Variants in CNDP2 observed in about 807,000 individuals in gnomAD.
CNDP2 encodes the protein cytosolic non-specific dipeptidase.
In CNDP2, 38 loss-of-function variants were observed where a neutral mutation model predicts 55.0. That is an observed-to-expected ratio of 0.69 (90% confidence interval 0.53 to 0.90). CNDP2 has a LOEUF of 0.90. CNDP2 is among the 40% of genes least tolerant of loss of function. The pLI is 0.00. For synonymous variants in CNDP2, 241 were observed against 260.2 expected (o/e 0.93, Z 0.71); for missense variants, 607 against 621.7 (o/e 0.98, Z 0.25).
intron 9 of CNDP2, chr18:74,517,339 G>A (rs1979736950): frequency 6.6e-6 from 1 of 152,262 alleles, no homozygotes; most frequent in South Asian, 2.1e-4. Context: ...CCTTGGAGAG[G>A]TTTGGCTGGG....
chr18:74,500,929 T>C (rs2144571892), intron 2 of CNDP2, among the ~76,000 whole-genome samples: 1 of 152,360 alleles, frequency 6.6e-6, no homozygotes, highest in South Asian at 2.1e-4. Flanking sequence ...AATTTCACAG[T>C]GTTCTTTTAT....
In CNDP2 at chr18:74,501,406, A is replaced by C. The variant is rs1358036497; in HGVS notation, c.138A>C (p.Glu46Asp). ...EKRGEIRRMMEVAAADVKQLG... is the reference protein window; with the variant it reads ...EKRGEIRRMMDVAAADVKQLG... ...GAGGCGAAATCAGGAGGATGATGGA[A>C]GTTGCTGCTGCAGATGTTAAGCAGT... The change falls in exon 3 of 12, where the codon GAA becomes GAC. Residue 46 changes from glutamate (E) to aspartate (D), a missense_variant. Coordinates refer to ENST00000324262, the MANE Select transcript of CNDP2 (RefSeq NM_018235.3). 1 of 1,614,138 alleles carries C rather than the reference A, an allele frequency of 6.2e-7. No homozygotes were observed. The highest frequency in any genetic ancestry group is 8.5e-7 in the Non-Finnish European group (1 of 1,180,002).
At chr18:74,501,182 A>G in intron 2 of CNDP2, 147 bp from the exon 3 acceptor site, 1 of 1,398,612 alleles carries the variant, frequency 7.1e-7, no homozygotes, top group Non-Finnish European at 9.3e-7. Flanking sequence ...CCCAAAGCAC[A>G]CGTGATGGGT....
intron 9 of CNDP2, chr18:74,517,574 A>G (rs533557452): frequency 1.3e-5 from 2 of 152,256 alleles, no homozygotes; most frequent in Admixed American, 1.3e-4. Flanking sequence ...TTATCTCCTA[A>G]GGAATGCAGC....
Position 74,520,041 on chromosome 18 carries a change from G to C in CNDP2, c.1401G>C (p.Leu467=). The part of the protein sequence containing the change: ...IEGTKMLAAY[L]YEVSQLKD ...GAACCAAGATGCTGGCCGCGTACCT[G>C]TATGAGGTCTCCCAGCTGAAGGACT... is the stretch of plus-strand genomic sequence containing the variant. Residue 467 remains leucine, a synonymous_variant, in exon 12 of 12, where the codon CTG becomes CTC. Transcript: ENST00000324262. 1.2e-6 allele frequency: 2 copies of C among 1,614,178 alleles called. No homozygotes were observed. The highest frequency in any genetic ancestry group is 1.7e-6 in the Non-Finnish European group (2 of 1,180,020).
At chr18:74,516,673 G>A (rs971485350) in intron 9 of CNDP2, 9 of 359,030 alleles carry the variant, frequency 2.5e-5, no homozygotes, top group South Asian at 4.9e-5. Context: ...GACCAAGCGT[G>A]TTCTGGTCAG....
intron 11 of CNDP2, among the ~76,000 whole-genome samples, chr18:74,519,612 G>T (rs919093755): frequency 6.6e-6 from 1 of 152,212 alleles, no homozygotes; most frequent in African/African-American, 2.4e-5. Flanking sequence ...GGGTAACCAA[G>T]GCAGACGATC....
At chr18:74,518,406 G>A (rs1296812941) in intron 9 of CNDP2, 93 bp from the exon 10 acceptor site, 7 of 1,471,020 alleles carry the variant, frequency 4.8e-6, no homozygotes, top group Non-Finnish European at 6.6e-6. Context: ...TAAGCTCGCT[G>A]TAGACCCATG....
chr18:74,507,078 G>A (rs1158762713), intron 4 of CNDP2: 1 of 152,184 alleles, frequency 6.6e-6, no homozygotes, highest in African/African-American at 2.4e-5. Flanking sequence ...TTTTTTATGA[G>A]ATGTAATTCC....
chr18:74,502,274 C>A (rs1978747406), intron 3 of CNDP2, among the ~76,000 whole-genome samples: 1 of 152,170 alleles, frequency 6.6e-6, no homozygotes, highest in Non-Finnish European at 1.5e-5. Flanking sequence ...AACAGTCTCA[C>A]TTTGTGGTAC....
chr18:74,512,234 T>C (rs1464199812), intron 6 of CNDP2: 6 of 537,712 alleles, frequency 1.1e-5, no homozygotes, highest in East Asian at 6.4e-5. Context: ...TACCGTCTTA[T>C]CTGTGGTTGG....
Position 74,520,092 on chromosome 18 carries a change from C to T in CNDP2, c.*24C>T, listed in dbSNP as rs1979966204. ...AGGCCAAGCCCTCTGTGTGCCATCT[C>T]CAATGAGAAGGAATCCTGCCCTCAC... On this transcript the variant is annotated 3_prime_UTR_variant, in exon 12 of 12. Transcript: ENST00000324262. 2 of 1,612,502 alleles carry T rather than the reference C, an allele frequency of 1.2e-6. No homozygotes were observed. Among genetic ancestry groups the T allele is most frequent in the Admixed American group, 1.7e-5 (1 of 59,974 alleles).
rs1307807633 is a variant in CNDP2, at chr18:74,499,862, A to AACAC, written c.-92-19_-92-16dup. 4 of 885,150 alleles carry AACAC rather than the reference A, an allele frequency of 4.5e-6. No homozygotes were observed. Among genetic ancestry groups the AACAC allele is most frequent in the Non-Finnish European group, 7.2e-6 (4 of 558,378 alleles). 54.8% of individuals were successfully genotyped at this position (885,150 alleles called of 1,614,324 possible). A position where few individuals can be genotyped will look rare whatever the true frequency, so the allele number is the denominator to read the frequency against. ...GGTGGGGCAACAATTTACAATTCTG[A>AACAC]ACACGTGCTTTCTGGGCAGGTCGCC... On this transcript the variant is annotated intron_variant, in intron 1 of 11. Transcript: ENST00000324262.
At chr18:74,513,047 C>T (rs1397988979) in intron 7 of CNDP2, among the ~76,000 whole-genome samples, 1 of 152,228 alleles carries the variant, frequency 6.6e-6, no homozygotes, top group Non-Finnish European at 1.5e-5. Flanking sequence ...TTCCTCCCTG[C>T]CAACGCCAGC....
At position 74,496,434 on chromosome 18, in the gene CNDP2, G is replaced by C. The variant is rs1176037916; in HGVS notation, c.-93+3G>C. ...GCCTAGTGGGCCTTCCTTCCCAGGT[G>C]GGTCTTCCTGATGGACCTTCCTTCC... On this transcript the variant is annotated splice_donor_region_variant and intron_variant, in intron 1 of 11. Transcript: ENST00000324262. 6.6e-6 allele frequency: 1 copy of C among 152,532 alleles called. No homozygotes were observed. Among genetic ancestry groups the C allele is most frequent in the Non-Finnish European group, 1.5e-5 (1 of 68,296 alleles). The allele number at this position is 152,532 out of a possible 1,614,324, so 9.4% of individuals were successfully genotyped here.
chr18:74,502,472 G>GTTTTTT (rs139713521), intron 3 of CNDP2, among the ~76,000 whole-genome samples: 15 of 148,602 alleles, frequency 1.0e-4, no homozygotes, highest in Admixed American at 2.7e-4. Context: ...TTGTCTTTTT[G>GTTTTTT]GTTTTTTTTT....
intron 9 of CNDP2, 136 bp downstream of exon 9, chr18:74,516,528 T>C (rs1979679270): frequency 1.2e-6 from 1 of 811,934 alleles, no homozygotes; most frequent in African/African-American, 1.7e-5. Context: ...AAGTCAGTAA[T>C]TATGACAGTC....
chr18:74,500,991 T>C (rs889566490), intron 2 of CNDP2: 12 of 181,624 alleles, frequency 6.6e-5, no homozygotes, highest in Admixed American at 6.0e-4. Context: ...TGAGTTGATT[T>C]TTAACTACTA....
rs1175543426 is a variant in CNDP2 at position 74,520,861 on chromosome 18, A to T, written c.*793A>T. 6.6e-6 allele frequency: 1 copy of T among 152,220 alleles called. No homozygotes were observed. Among genetic ancestry groups the T allele is most frequent in the Admixed American group, 6.5e-5 (1 of 15,280 alleles). 9.4% of individuals were successfully genotyped at this position (152,220 alleles called of 1,614,324 possible). On this transcript the variant is annotated 3_prime_UTR_variant, in exon 12 of 12. Transcript: ENST00000324262. ...GTTCTGGTTGTCATTGAATTGGGAT[A>T]AACAGAGAGCTTGATGCTTTCTGCC...
Sources: allele counts gnomAD v4.1 joint callset (sites outside exome capture counted in the v4.1 genomes callset), GRCh38; gene constraint gnomAD v4.1.1; transcripts MANE v1.5; gene names NCBI Gene and HGNC (gene_info 2026-07-23, HGNC 2026-07-21).